SAMD12: variants seen among roughly 807,000 people sequenced by gnomAD.
SAMD12 encodes the protein sterile alpha motif domain-containing protein 12.
A neutral mutation model predicts 15.0 loss-of-function variants in SAMD12; 9 were observed. The observed-to-expected ratio is 0.60, with a 90% CI of 0.36 to 1.05. SAMD12 has a LOEUF of 1.05. SAMD12 is among the 50% of genes least tolerant of loss of function. The probability of loss-of-function intolerance (pLI) is 0.01; values close to 1 mark genes in which losing one functional copy is unlikely to be tolerated. For synonymous variants in SAMD12, 86 were observed against 90.1 expected, an observed-to-expected ratio of 0.96 and a Z score of 0.25; for missense variants, 230 against 234.2, an observed-to-expected ratio of 0.98 and a Z score of 0.12.
intron 2 of SAMD12, among the ~76,000 whole-genome samples, chr8:118,471,077 A>G (rs13281564): frequency 0.39 from 58,768 of 152,130 alleles, 13,511 homozygotes; most frequent in South Asian, 0.49. Flanking sequence ...TCAATTATAC[A>G]TTATGTCTCT....
chr8:118,313,658 A>G (rs892207713), intron 4 of SAMD12, among the ~76,000 whole-genome samples: 1 of 152,156 alleles, frequency 6.6e-6, no homozygotes. Context: ...CCAAGCAGAT[A>G]GTGGTGGCTG....
chr8:118,532,840 C>T (rs201516580), intron 2 of SAMD12, among the ~76,000 whole-genome samples: 5 of 151,672 alleles, frequency 3.3e-5, no homozygotes, highest in Admixed American at 6.6e-5. Context: ...TTTTTCTTTA[C>T]TAGTCTTTCT....
At chr8:118,169,870 A>G in the SAMD12 span, among the ~76,000 whole-genome samples, 93 of 152,172 alleles carry the variant, frequency 6.1e-4, no homozygotes, top group African/African-American at 2.2e-3. Context: ...TTTTTACCCC[A>G]CTTGTGGTTA....
chr8:118,223,399 G>A (rs1812122500), intron 4 of SAMD12, among the ~76,000 whole-genome samples: 1 of 152,184 alleles, frequency 6.6e-6, no homozygotes, highest in African/African-American at 2.4e-5. Context: ...AGAAGACACT[G>A]ACTCACTGAG....
At chr8:118,304,166 A>G (rs1229096450) in intron 4 of SAMD12, among the ~76,000 whole-genome samples, 5 of 152,174 alleles carry the variant, frequency 3.3e-5, no homozygotes, top group African/African-American at 1.2e-4. Flanking sequence ...AGGACACTCG[A>G]TTCTTCCTGA....
intron 2 of SAMD12, among the ~76,000 whole-genome samples, chr8:118,510,254 G>GCACA (rs144640699): frequency 1.7e-4 from 26 of 150,138 alleles, no homozygotes; most frequent in African/African-American, 6.3e-4. Flanking sequence ...ACACATGCAT[G>GCACA]CACACACACA....
intron 3 of SAMD12, among the ~76,000 whole-genome samples, chr8:118,439,037 C>G (rs1170163645): frequency 6.6e-6 from 1 of 152,160 alleles, no homozygotes; most frequent in African/African-American, 2.4e-5. Context: ...CCCCCTTACT[C>G]TGATGGGCTT....
intron 4 of SAMD12, among the ~76,000 whole-genome samples, chr8:118,256,617 C>T (rs1428920104): frequency 2.0e-5 from 3 of 151,840 alleles, no homozygotes; most frequent in Non-Finnish European, 4.4e-5. Context: ...AAGAAGTTCC[C>T]ATTTTACCAT....
chr8:118,499,971 C>A (rs1382180594), intron 2 of SAMD12, among the ~76,000 whole-genome samples: 1 of 150,896 alleles, frequency 6.6e-6, no homozygotes, highest in African/African-American at 2.4e-5. Context: ...CATGCCTCTT[C>A]TCTTCCCACA....
At chr8:118,477,735 C>T (rs1330879737) in intron 2 of SAMD12, among the ~76,000 whole-genome samples, 1 of 152,040 alleles carries the variant, frequency 6.6e-6, no homozygotes, top group Non-Finnish European at 1.5e-5. Flanking sequence ...AGGGAACTGG[C>T]CGGGCGCGGT....
At chr8:118,173,134 T>C in the SAMD12 span, among the ~76,000 whole-genome samples, 4 of 152,238 alleles carry the variant, frequency 2.6e-5, no homozygotes, top group African/African-American at 9.6e-5. Flanking sequence ...TGGTACAGTA[T>C]TGACACATGG....
intron 4 of SAMD12, among the ~76,000 whole-genome samples, chr8:118,243,082 T>C (rs1212594653): frequency 6.6e-6 from 1 of 152,106 alleles, no homozygotes; most frequent in Non-Finnish European, 1.5e-5. Context: ...ACTAGGGTAG[T>C]AGGTAAGTAA....
At chr8:118,429,445 C>T (rs1822331947) in intron 3 of SAMD12, among the ~76,000 whole-genome samples, 1 of 152,192 alleles carries the variant, frequency 6.6e-6, no homozygotes, top group African/African-American at 2.4e-5. Flanking sequence ...TCCATGTATT[C>T]TAGACAACAC....
At chr8:118,353,626 A>ATT (rs1818072218) in intron 4 of SAMD12, among the ~76,000 whole-genome samples, 4 of 152,190 alleles carry the variant, frequency 2.6e-5, no homozygotes, top group Admixed American at 2.6e-4. Context: ...AAAATGGCAG[A>ATT]TTTGTTATAG....
intron 1 of SAMD12, among the ~76,000 whole-genome samples, chr8:118,603,602 A>G (rs1293326592): frequency 6.6e-6 from 1 of 152,240 alleles, no homozygotes; most frequent in African/African-American, 2.4e-5. Flanking sequence ...CTTCCCAGCT[A>G]GCTTTTCTCA....
intron 4 of SAMD12, among the ~76,000 whole-genome samples, chr8:118,201,538 T>G (rs1819716178): frequency 6.6e-6 from 1 of 152,248 alleles, no homozygotes; most frequent in African/African-American, 2.4e-5. Flanking sequence ...CATGTCTTAT[T>G]GTTGTGTATT....
chr8:118,287,068 T>C (rs1006192452), intron 4 of SAMD12, among the ~76,000 whole-genome samples: 1 of 152,128 alleles, frequency 6.6e-6, no homozygotes, highest in East Asian at 1.9e-4. Flanking sequence ...GTGCCTGGAA[T>C]GTAAGAAACA....
intron 3 of SAMD12, among the ~76,000 whole-genome samples, chr8:118,395,951 C>A (rs372363611): frequency 8.6e-5 from 13 of 151,040 alleles, no homozygotes; most frequent in African/African-American, 2.9e-4. Flanking sequence ...AAAAAATAGA[C>A]CCAGAAAAAG....
At position 118,472,251 on chromosome 8, in the gene SAMD12, C is replaced by T. The variant is rs184191488; in HGVS notation, c.193-32290G>A. 5.7e-3 allele frequency among the ~76,000 whole-genome samples: 867 copies of T among 151,306 alleles called. 5 individuals are homozygous for T. The highest frequency in any genetic ancestry group is 0.02 in the African/African-American group (821 of 41,134). ...GCAGTGAGCCGAGATTGTGCCACTGCACTCCAGCCCGGGTGACAGAGCGAG... is the reference window on the plus strand; with the variant it reads ...GCAGTGAGCCGAGATTGTGCCACTGTACTCCAGCCCGGGTGACAGAGCGAG... On this transcript the variant is annotated intron_variant, in intron 2 of 3. Coordinates refer to ENST00000314727, the MANE Select transcript of SAMD12 (RefSeq NM_207506.3).
Sources: gnomAD v4.1 joint callset for allele counts (sites outside exome capture counted in the v4.1 genomes callset) on GRCh38, gnomAD v4.1.1 for gene constraint, MANE v1.5 for transcripts, NCBI Gene and HGNC (gene_info 2026-07-23, HGNC 2026-07-21) for gene names.